Variants in ERC2 observed in about 807,000 individuals in gnomAD.
ERC2 encodes the protein ELKS/RAB6-interacting/CAST family member 2, also known as ERC protein 2.
In ERC2, 42 loss-of-function variants were observed where a neutral mutation model predicts 114.8. That is an observed-to-expected ratio of 0.37 (90% CI 0.29 to 0.47). ERC2 has a LOEUF of 0.47. Among genes scored for constraint, ERC2 ranks in the 20% least tolerant of loss-of-function variants. The pLI, the probability that ERC2 is intolerant of heterozygous loss-of-function variation, is 0.99. For missense variants in ERC2, 939 were observed against 1,150.7 expected, an observed-to-expected ratio of 0.82 and a Z score of 2.66; for synonymous variants, 454 against 425.5, an observed-to-expected ratio of 1.07 and a Z score of -0.82.
intron 15 of ERC2, 31 bp from the exon 16 acceptor site, chr3:55,699,543 A>T (rs368756765): frequency 4.4e-6 from 7 of 1,576,640 alleles, no homozygotes; most frequent in African/African-American, 4.0e-5. Context: ...GGAAGATTCC[A>T]TCAGGAGCCA....
At chr3:55,770,141 T>C (rs1050815444) in intron 14 of ERC2, among the ~76,000 whole-genome samples, 3 of 152,196 alleles carry the variant, frequency 2.0e-5, no homozygotes, top group African/African-American at 7.2e-5. Context: ...GAGAATGGCA[T>C]ATCCCAAACA....
At chr3:55,572,460 A>G (rs1410837322) in intron 17 of ERC2, among the ~76,000 whole-genome samples, 1 of 152,232 alleles carries the variant, frequency 6.6e-6, no homozygotes, top group Non-Finnish European at 1.5e-5. Flanking sequence ...AAGCAATTCT[A>G]TGCTTAAATA....
At chr3:56,276,563 G>GC (rs1175174623) in intron 3 of ERC2, among the ~76,000 whole-genome samples, 3 of 151,656 alleles carry the variant, frequency 2.0e-5, no homozygotes, top group Non-Finnish European at 2.9e-5. Context: ...AGTAACCATG[G>GC]CATATTGTGG....
chr3:55,804,314 C>T (rs9813529), intron 14 of ERC2, among the ~76,000 whole-genome samples: 4,642 of 152,144 alleles, frequency 0.031, 230 homozygotes, highest in African/African-American at 0.11. Context: ...AGTAAAGCTC[C>T]CATGTACCCA....
At chr3:55,648,137 C>T (rs775836686) in intron 17 of ERC2, among the ~76,000 whole-genome samples, 17 of 152,218 alleles carry the variant, frequency 1.1e-4, no homozygotes, top group Non-Finnish European at 2.4e-4. Context: ...TTCCCTCACT[C>T]GTTCCTTCAT....
At position 56,426,618 on chromosome 3, in the gene ERC2, G is replaced by T. The variant is rs1011550206; in HGVS notation, c.657+7733C>A. ...CCAAGGCTTTAACCATGTTTGTGGG[G>T]TTTAGTTGTACATTTGGCATCTGTG... is the stretch of plus-strand genomic sequence containing the variant. On this transcript the variant is annotated intron_variant, in intron 2 of 17. Coordinates refer to ENST00000288221, the MANE Select transcript of ERC2 (RefSeq NM_015576.3). Among the ~76,000 whole-genome samples, 5 of 152,278 alleles carry T rather than the reference G, an allele frequency of 3.3e-5. No individual in the cohort carries two copies. In the South Asian group the frequency reaches 8.3e-4, roughly 25 times the overall value.
intron 15 of ERC2, among the ~76,000 whole-genome samples, chr3:55,699,867 A>G (rs912005435): frequency 2.0e-5 from 3 of 152,176 alleles, no homozygotes; most frequent in Non-Finnish European, 2.9e-5. Flanking sequence ...GAGACTCTAG[A>G]CCAACACTCT....
chr3:56,112,959 A>G (rs1018626559), intron 6 of ERC2, among the ~76,000 whole-genome samples: 1 of 152,182 alleles, frequency 6.6e-6, no homozygotes, highest in Non-Finnish European at 1.5e-5. Context: ...TGGTCTTTCA[A>G]TAAGTGATCC....
chr3:56,224,722 T>C (rs1260399808), intron 3 of ERC2, among the ~76,000 whole-genome samples: 1 of 152,210 alleles, frequency 6.6e-6, no homozygotes, highest in African/African-American at 2.4e-5. Context: ...AAACCAAACA[T>C]GCATGTATTC....
At chr3:56,409,603 A>T (rs980075119) in intron 2 of ERC2, among the ~76,000 whole-genome samples, 6 of 152,142 alleles carry the variant, frequency 3.9e-5, no homozygotes, top group African/African-American at 1.4e-4. Flanking sequence ...TTTTACCAGA[A>T]ATATAAGAAT....
intron 2 of ERC2, chr3:56,434,010 C>T (rs923068552): frequency 2.5e-5 from 6 of 239,822 alleles, no homozygotes; most frequent in Admixed American, 9.9e-5. Flanking sequence ...TTTTCTTCTT[C>T]TATTCAGAAG....
At chr3:55,671,481 C>T (rs1003344749) in intron 17 of ERC2, among the ~76,000 whole-genome samples, 2 of 152,170 alleles carry the variant, frequency 1.3e-5, no homozygotes, top group African/African-American at 4.8e-5. Context: ...ACGTGGTCAT[C>T]GGCACAGGAG....
intron 12 of ERC2, among the ~76,000 whole-genome samples, chr3:55,962,026 T>A (rs542655117): frequency 2.4e-4 from 36 of 152,306 alleles, no homozygotes; most frequent in African/African-American, 8.2e-4. Context: ...TAGGTGATGA[T>A]GAATACTAGT....
At chr3:56,245,048 A>T (rs2150214698) in intron 3 of ERC2, among the ~76,000 whole-genome samples, 1 of 152,336 alleles carries the variant, frequency 6.6e-6, no homozygotes, top group South Asian at 2.1e-4. Context: ...AGCATATTGC[A>T]TAGCTGTATA....
chr3:56,440,407 G>C (rs1387891030), intron 1 of ERC2, among the ~76,000 whole-genome samples: 1 of 152,116 alleles, frequency 6.6e-6, no homozygotes, highest in Non-Finnish European at 1.5e-5. Context: ...AATTAGCCAG[G>C]CGTGGTGGTG....
At chr3:55,608,639 C>T (rs141519140) in intron 17 of ERC2, among the ~76,000 whole-genome samples, 1 of 152,160 alleles carries the variant, frequency 6.6e-6, no homozygotes, top group African/African-American at 2.4e-5. Flanking sequence ...ATGAGAAATT[C>T]GAAGACACCT....
At chr3:56,337,629 G>A (rs571331869) in intron 2 of ERC2, among the ~76,000 whole-genome samples, 2 of 152,308 alleles carry the variant, frequency 1.3e-5, no homozygotes, top group African/African-American at 4.8e-5. Flanking sequence ...GGGATTAGAT[G>A]AGGTACAGAA....
chr3:55,523,015 G>C (rs2053066540), intron 17 of ERC2, among the ~76,000 whole-genome samples: 1 of 152,248 alleles, frequency 6.6e-6, no homozygotes, highest in Admixed American at 6.5e-5. Flanking sequence ...AGTCCTGGCA[G>C]GCAGGGTTCA....
At position 55,843,222 on chromosome 3, in the gene ERC2, T is replaced by C. The variant is rs576918661; in HGVS notation, c.2564+45167A>G. Among the ~76,000 whole-genome samples the C allele has an allele frequency of 2.0e-5, 3 of 152,260 alleles. No homozygotes were observed. The East Asian group carries it at 5.8e-4, about 29-fold the overall frequency. ...TCTCCATTACTTCTTTCTCTTCTCATGGTTGGAGCACAGACTGGATAGAGG... is the reference window on the plus strand; with the variant it reads ...TCTCCATTACTTCTTTCTCTTCTCACGGTTGGAGCACAGACTGGATAGAGG... On this transcript the variant is annotated intron_variant, in intron 14 of 17. Transcript: ENST00000288221.
Sources: allele counts gnomAD v4.1 joint callset (sites outside exome capture counted in the v4.1 genomes callset), GRCh38; gene constraint gnomAD v4.1.1; transcripts MANE v1.5; gene names NCBI Gene and HGNC (gene_info 2026-07-23, HGNC 2026-07-21).